Variants in SV2C observed in about 807,000 individuals in gnomAD.
SV2C encodes the protein synaptic vesicle glycoprotein 2C, also known as solute carrier family 22 member B3.
Under a neutral mutation model 79.7 loss-of-function variants are expected in SV2C, and 49 were observed. That is an observed-to-expected ratio of 0.61 (90% confidence interval 0.49 to 0.78). SV2C has a LOEUF of 0.78. Among genes scored for constraint, SV2C ranks in the 30% least tolerant of loss-of-function variants. The probability of loss-of-function intolerance (pLI) is 0.00; values close to 1 mark genes in which losing one functional copy is unlikely to be tolerated. For synonymous variants in SV2C, 334 were observed against 333.2 expected, an observed-to-expected ratio of 1.00 and a Z score of -0.03; for missense variants, 833 against 912.9, an observed-to-expected ratio of 0.91 and a Z score of 1.13.
At chr5:76,105,728 C>T (rs1747888011) in intron 1 of SV2C, among the ~76,000 whole-genome samples, 1 of 152,118 alleles carries the variant, frequency 6.6e-6, no homozygotes, top group Non-Finnish European at 1.5e-5. Flanking sequence ...TGGATGCTGA[C>T]ATATACACAC....
chr5:76,118,566 A>G (rs765761801), intron 1 of SV2C, among the ~76,000 whole-genome samples: 1 of 152,152 alleles, frequency 6.6e-6, no homozygotes, highest in Non-Finnish European at 1.5e-5. Context: ...TTTTTAAACT[A>G]ATCTCAACTG....
chr5:75,851,920 C>G, the SV2C span, among the ~76,000 whole-genome samples: 2 of 152,192 alleles, frequency 1.3e-5, no homozygotes, highest in African/African-American at 4.8e-5. Context: ...TCCTTGGCCT[C>G]CCAGAGTGCT....
chr5:75,855,210 A>G, the SV2C span, among the ~76,000 whole-genome samples: 1 of 152,156 alleles, frequency 6.6e-6, no homozygotes, highest in African/African-American at 2.4e-5. Flanking sequence ...TTGGGCATTT[A>G]TTGATCTTAC....
chr5:76,166,867 T>G (rs1743061485), intron 2 of SV2C, among the ~76,000 whole-genome samples: 1 of 152,180 alleles, frequency 6.6e-6, no homozygotes, highest in Non-Finnish European at 1.5e-5. Flanking sequence ...AGGATCAAGT[T>G]TGCCAGGGTA....
intron 4 of SV2C, among the ~76,000 whole-genome samples, chr5:76,234,765 T>G (rs545038993): frequency 6.6e-6 from 1 of 152,180 alleles, no homozygotes; most frequent in African/African-American, 2.4e-5. Context: ...AGTGAAAAAC[T>G]GAAGCTTCCT....
At chr5:76,160,346 G>A (rs1277506719) in intron 2 of SV2C, among the ~76,000 whole-genome samples, 1 of 152,162 alleles carries the variant, frequency 6.6e-6, no homozygotes, top group African/African-American at 2.4e-5. Flanking sequence ...CCAAGCAACA[G>A]TAATAAAGAC....
At chr5:76,123,676 T>C (rs1426566252) in intron 1 of SV2C, among the ~76,000 whole-genome samples, 2 of 152,198 alleles carry the variant, frequency 1.3e-5, no homozygotes, top group Non-Finnish European at 2.9e-5. Flanking sequence ...CAACAACGCT[T>C]CATGTCAAAT....
At chr5:76,113,992 C>T (rs533874015) in intron 1 of SV2C, among the ~76,000 whole-genome samples, 45 of 152,186 alleles carry the variant, frequency 3.0e-4, no homozygotes, top group African/African-American at 9.6e-4. Context: ...CCTCGAATGG[C>T]GTTTTCTCAG....
chr5:75,897,070 T>G, the SV2C span, among the ~76,000 whole-genome samples: 11 of 147,238 alleles, frequency 7.5e-5, no homozygotes, highest in East Asian at 5.8e-4. Flanking sequence ...CTCTTTAGTT[T>G]AATTAGATCC....
chr5:76,260,269 C>T (rs536502203), intron 4 of SV2C, among the ~76,000 whole-genome samples: 6 of 152,194 alleles, frequency 3.9e-5, no homozygotes, highest in African/African-American at 1.2e-4. Flanking sequence ...TCATATCCTT[C>T]GCCTACTTTT....
At chr5:76,312,658 C>T (rs1748489354) in intron 12 of SV2C, among the ~76,000 whole-genome samples, 1 of 152,222 alleles carries the variant, frequency 6.6e-6, no homozygotes, top group Admixed American at 6.5e-5. Flanking sequence ...TCTGCACAGA[C>T]TCCCAGGGCC....
rs965088 is a variant in SV2C at position 76,190,653 on chromosome 5, G to A, written c.581-4266G>A. 1.4e-3 allele frequency among the ~76,000 whole-genome samples: 218 copies of A among 152,282 alleles called. 1 individual carries two copies. The highest frequency in any genetic ancestry group is 5.2e-3 in the African/African-American group (216 of 41,560). On this transcript the variant is annotated intron_variant, in intron 2 of 12. Transcript: ENST00000502798. ...TGAGAAGAGTGGTCCAAAGACTAGG[G>A]TTTGGTCAAGGAGAGATTGTGTGTC...
the SV2C span, among the ~76,000 whole-genome samples, chr5:75,877,271 A>C: frequency 6.6e-6 from 1 of 152,232 alleles, no homozygotes; most frequent in Middle Eastern, 3.4e-3. Context: ...TGCACCTAGA[A>C]ATAGAGCACG....
intron 4 of SV2C, among the ~76,000 whole-genome samples, chr5:76,233,118 G>A (rs1195137249): frequency 2.1e-5 from 3 of 141,028 alleles, no homozygotes; most frequent in African/African-American, 9.6e-5. Flanking sequence ...ATTTTGTTGA[G>A]CAGTGGTTTG....
chr5:76,017,681 C>A, the SV2C span, among the ~76,000 whole-genome samples: 34 of 152,252 alleles, frequency 2.2e-4, no homozygotes, highest in African/African-American at 8.2e-4. Flanking sequence ...ACACAAAAAT[C>A]ATTTTACAGC....
chr5:75,884,328 G>A, the SV2C span, among the ~76,000 whole-genome samples: 2 of 152,208 alleles, frequency 1.3e-5, no homozygotes, highest in South Asian at 2.1e-4. Context: ...TGATTGCACC[G>A]TGATTGCTTT....
Position 76,300,276 on chromosome 5 carries a change from A to G in SV2C, c.1637-453A>G, listed in dbSNP as rs112575793. Among the ~76,000 whole-genome samples the G allele has an allele frequency of 3.8e-3, 572 of 151,606 alleles. 2 individuals are homozygous for G. Among genetic ancestry groups the G allele is most frequent in the African/African-American group, 0.013 (528 of 41,340 alleles). On this transcript the variant is annotated intron_variant, in intron 10 of 12. Coordinates refer to ENST00000502798, the MANE Select transcript of SV2C (RefSeq NM_014979.4). ...CAATCCTCCTGCCTCATCCTCCCAA[A>G]GCACTGGGATTACAGGCATGAGGCA... is the stretch of plus-strand genomic sequence containing the variant.
chr5:76,177,347 C>T (rs1743570849), intron 2 of SV2C, among the ~76,000 whole-genome samples: 1 of 151,520 alleles, frequency 6.6e-6, no homozygotes, highest in African/African-American at 2.4e-5. Context: ...CCAGGACCCG[C>T]TAGTGATACC....
At chr5:76,263,429 CTG>C (rs1408121647) in intron 4 of SV2C, among the ~76,000 whole-genome samples, 1 of 152,166 alleles carries the variant, frequency 6.6e-6, no homozygotes, top group East Asian at 1.9e-4. Context: ...ATTTGGCAGT[CTG>C]TGTCTTTTAA....
Sources: gnomAD v4.1 joint callset for allele counts (sites outside exome capture counted in the v4.1 genomes callset) on GRCh38, gnomAD v4.1.1 for gene constraint, MANE v1.5 for transcripts, NCBI Gene and HGNC (gene_info 2026-07-23, HGNC 2026-07-21) for gene names.